The following TANC1 variants were observed in gnomAD, a reference collection of about 807,000 sequenced individuals.
TANC1 encodes tetratricopeptide repeat, ankyrin repeat and coiled-coil containing 1.
TANC1 carries 77 observed loss-of-function variants against 149.7 expected under a neutral mutation model. The ratio of observed to expected loss-of-function variants is 0.51; its 90% CI spans 0.43 to 0.62. The LOEUF (loss-of-function observed/expected upper bound fraction) is 0.62, where lower values mean the gene tolerates loss of function less well. Ranked by LOEUF, TANC1 falls within the 20% of genes least tolerant of loss-of-function variation. The pLI is 0.00. For missense variants in TANC1, 1,985 were observed against 2,321.8 expected (o/e 0.85, Z 2.98); for synonymous variants, 854 against 925.0 (o/e 0.92, Z 1.39).
chr2:159,081,357 G>T (rs2044254465), intron 3 of TANC1, among the ~76,000 whole-genome samples: 1 of 151,958 alleles, frequency 6.6e-6, no homozygotes, highest in Non-Finnish European at 1.5e-5. Context: ...GGCCAGAAGT[G>T]CTGGCTGCTT....
intron 3 of TANC1, 131 bp downstream of exon 3, chr2:159,066,102 C>T (rs1178716015): frequency 2.7e-6 from 2 of 742,646 alleles, no homozygotes; most frequent in East Asian, 2.5e-5. Context: ...AAACAGTGTG[C>T]TGGAGGCTAT....
At chr2:159,125,023 G>A (rs904358542) in intron 4 of TANC1, among the ~76,000 whole-genome samples, 2 of 152,042 alleles carry the variant, frequency 1.3e-5, no homozygotes, top group South Asian at 2.1e-4. Context: ...GATTTCAGGC[G>A]TGAGCCACCA....
At chr2:159,110,662 G>A (rs1193064608) in intron 4 of TANC1, among the ~76,000 whole-genome samples, 1 of 152,200 alleles carries the variant, frequency 6.6e-6, no homozygotes, top group African/African-American at 2.4e-5. Flanking sequence ...CATAGGACAA[G>A]TGAAATTTAA....
chr2:159,026,734 G>A (rs926130785), intron 2 of TANC1, among the ~76,000 whole-genome samples: 2 of 152,060 alleles, frequency 1.3e-5, no homozygotes, highest in South Asian at 2.1e-4. Context: ...ACTTGGGGTC[G>A]CTTGAGCCAC....
intron 4 of TANC1, among the ~76,000 whole-genome samples, chr2:159,128,685 C>G (rs1184834049): frequency 6.6e-6 from 1 of 152,140 alleles, no homozygotes; most frequent in Non-Finnish European, 1.5e-5. Flanking sequence ...TATAAAGACT[C>G]CCTTTATCCC....
chr2:158,974,568 G>C (rs1260828539), intron 1 of TANC1, among the ~76,000 whole-genome samples: 1 of 152,156 alleles, frequency 6.6e-6, no homozygotes, highest in Non-Finnish European at 1.5e-5. Flanking sequence ...GAGTAGCTGG[G>C]ATTACAGGCA....
chr2:159,149,733 C>A (rs1027242537), intron 6 of TANC1: 3 of 193,538 alleles, frequency 1.6e-5, no homozygotes, highest in African/African-American at 4.7e-5. Flanking sequence ...GTCCATCTAT[C>A]AGGAAAGCAC....
chr2:159,155,974 A>T (rs1189171017), intron 7 of TANC1, among the ~76,000 whole-genome samples: 2 of 152,190 alleles, frequency 1.3e-5, no homozygotes, highest in African/African-American at 4.8e-5. Flanking sequence ...AATGAAAGTG[A>T]TTCCAGAGGT....
intron 1 of TANC1, among the ~76,000 whole-genome samples, chr2:159,000,738 G>A (rs2036551456): frequency 6.6e-6 from 1 of 152,056 alleles, no homozygotes; most frequent in South Asian, 2.1e-4. Flanking sequence ...CGAGCCGGAA[G>A]GATAGGAGGC....
chr2:158,996,020 CTG>C (rs2036102090), intron 1 of TANC1, among the ~76,000 whole-genome samples: 1 of 152,228 alleles, frequency 6.6e-6, no homozygotes, highest in Non-Finnish European at 1.5e-5. Context: ...AGTCTTCTGT[CTG>C]TTACTTTTAG....
At chr2:159,171,566 G>T (rs892155158) in intron 10 of TANC1, among the ~76,000 whole-genome samples, 6 of 152,172 alleles carry the variant, frequency 3.9e-5, no homozygotes, top group African/African-American at 1.4e-4. Context: ...GAAGGCTGCA[G>T]TGAGCTGGGA....
intron 8 of TANC1, among the ~76,000 whole-genome samples, chr2:159,163,950 G>T (rs2054312096): frequency 6.6e-6 from 1 of 152,068 alleles, no homozygotes; most frequent in Non-Finnish European, 1.5e-5. Flanking sequence ...ACTTATTTTT[G>T]TCTAATTGAG....
chr2:159,047,767 C>T (rs1574328774), intron 2 of TANC1, among the ~76,000 whole-genome samples: 1 of 152,152 alleles, frequency 6.6e-6, no homozygotes, highest in South Asian at 2.1e-4. Context: ...TCATCAGGAC[C>T]TCCTGAGGCT....
Position 159,194,338 on chromosome 2 carries a change from C to T in TANC1, c.2824C>T (p.Gln942Ter), listed in dbSNP as rs766810880. 6.2e-7 allele frequency: 1 copy of T among 1,614,284 alleles called. No individual in the cohort carries two copies. The highest frequency in any genetic ancestry group is 8.5e-7 in the Non-Finnish European group (1 of 1,180,056). ...AAATAATGCCCCAATCCTGTGCGTC[C>T]AGTCTCACCTTGGCCACGAGGAAGT... ...VLNNAPILCVQSHLGHEEVVT... is the reference protein window; with the variant it reads ...VLNNAPILCV The change falls in exon 17 of 27, where the codon CAG (glutamine) becomes TAG (stop). Residue 942 changes from glutamine (Q) to a stop codon, truncating the protein, a stop_gained. Transcript: ENST00000263635. LOFTEE classifies it high-confidence loss of function.
rs376141108 is a variant in TANC1 at position 159,196,745 on chromosome 2, C to T, written c.3117C>T (p.His1039=). The stretch of plus-strand genomic sequence containing the variant: ...AGCCAGGCACCCTGAGGAAGAGCCA[C>T]GCCCTGCAGCAGGCGCTGACCGCGG... ...PPQPGTLRKS[H]ALQQALTAAA... Residue 1039 remains histidine (H), a synonymous_variant, in exon 18 of 27, where the codon CAC becomes CAT. Coordinates refer to ENST00000263635, the MANE Select transcript of TANC1 (RefSeq NM_033394.3). The T allele has an allele frequency of 4.4e-5, 71 of 1,613,520 alleles. No homozygotes were observed. In the Admixed American group the frequency reaches 7.5e-4, roughly 17 times the overall value.
chr2:159,222,298 T>C (rs144961782), intron 22 of TANC1, among the ~76,000 whole-genome samples: 6 of 152,306 alleles, frequency 3.9e-5, no homozygotes, highest in Non-Finnish European at 5.9e-5. Context: ...TCTAAACATA[T>C]AGAGTTCAGT....
intron 1 of TANC1, among the ~76,000 whole-genome samples, chr2:158,997,427 T>C (rs2036232947): frequency 6.6e-6 from 1 of 152,248 alleles, no homozygotes. Context: ...TGTGTATTCA[T>C]GGATTAGGAC....
intron 19 of TANC1, among the ~76,000 whole-genome samples, chr2:159,202,763 G>A (rs186561580): frequency 1.2e-4 from 18 of 152,126 alleles, no homozygotes; most frequent in Non-Finnish European, 2.5e-4. Context: ...GTAGTTTCTC[G>A]GCAGCCTGAA....
intron 1 of TANC1, among the ~76,000 whole-genome samples, chr2:158,993,165 G>T (rs766630167): frequency 1.3e-5 from 2 of 152,198 alleles, no homozygotes; most frequent in Non-Finnish European, 2.9e-5. Flanking sequence ...CAGATTAAAC[G>T]GTCACACAGC....
Sources: gnomAD v4.1 joint callset for allele counts (sites outside exome capture counted in the v4.1 genomes callset) on GRCh38, gnomAD v4.1.1 for gene constraint, MANE v1.5 for transcripts, NCBI Gene and HGNC (gene_info 2026-07-23, HGNC 2026-07-21) for gene names.